Variants in C1orf94 observed in about 807,000 individuals in gnomAD.
C1orf94 encodes chromosome 1 open reading frame 94.
C1orf94 carries 45 observed loss-of-function variants against 53.6 expected under a neutral mutation model. That is an observed-to-expected ratio of 0.84 (90% confidence interval 0.66 to 1.08). The LOEUF (loss-of-function observed/expected upper bound fraction) is 1.08. Among genes scored for constraint, C1orf94 ranks in the 50% least tolerant of loss-of-function variants. The pLI is 0.00. For missense variants in C1orf94, 762 were observed against 738.9 expected, an observed-to-expected ratio of 1.03 and a Z score of -0.36; for synonymous variants, 304 against 296.1, an observed-to-expected ratio of 1.03 and a Z score of -0.27.
rs1643032665 is a variant in C1orf94 at position 34,218,738 on chromosome 1, A to G, written c.1774A>G (p.Ser592Gly). The G allele has an allele frequency of 6.8e-6, 11 of 1,612,602 alleles. No homozygotes were observed. The highest frequency in any genetic ancestry group is 1.7e-5 in the Admixed American group (1 of 59,990). Residue 592 changes from serine to glycine, a missense_variant, in exon 7 of 7, where the codon AGT (serine) becomes GGT (glycine). By Grantham distance (56) the Ser-to-Gly change is moderately conservative. Transcript: ENST00000488417. The stretch of plus-strand genomic sequence containing the variant: ...GATGCACAGCCCCTATTTTTCTTCC[A>G]GTGGGAATGGCATAAACTTTTAGAT... ...PLMHSPYFSS[S>G]GNGINF is the part of the protein sequence containing the mutation.
intron 5 of C1orf94, among the ~76,000 whole-genome samples, chr1:34,210,194 A>G (rs975157053): frequency 4.6e-5 from 7 of 152,264 alleles, no homozygotes; most frequent in Middle Eastern, 3.4e-3. Context: ...TCCCAGGTCC[A>G]GGCACTTCCT....
intron 2 of C1orf94, among the ~76,000 whole-genome samples, chr1:34,200,233 C>T (rs1035238972): frequency 1.3e-5 from 2 of 152,212 alleles, no homozygotes; most frequent in African/African-American, 4.8e-5. Context: ...ATGTGTGACT[C>T]CTTCACTAAG....
chr1:34,195,346 C>T (rs1292133137), intron 1 of C1orf94, among the ~76,000 whole-genome samples: 1 of 152,148 alleles, frequency 6.6e-6, no homozygotes, highest in Non-Finnish European at 1.5e-5. Flanking sequence ...ACCCATTTTA[C>T]AGGGGAGGAC....
intron 4 of C1orf94, among the ~76,000 whole-genome samples, chr1:34,203,266 T>C (rs1414195454): frequency 6.6e-6 from 1 of 152,156 alleles, no homozygotes; most frequent in Non-Finnish European, 1.5e-5. Flanking sequence ...GCCTCCCAAG[T>C]AGCTGGGATT....
intron 5 of C1orf94, among the ~76,000 whole-genome samples, chr1:34,211,645 T>C (rs1642891583): frequency 6.6e-6 from 1 of 152,174 alleles, no homozygotes; most frequent in African/African-American, 2.4e-5. Context: ...TTTCAAATGC[T>C]CAATTGTCGT....
At chr1:34,185,471 C>T (rs927243696) in intron 1 of C1orf94, among the ~76,000 whole-genome samples, 3 of 152,222 alleles carry the variant, frequency 2.0e-5, no homozygotes, top group Non-Finnish European at 4.4e-5. Context: ...TGAGCCCTTG[C>T]ACCCAGCCTT....
chr1:34,202,109 C>A lies in C1orf94; in HGVS notation c.1296C>A (p.Asp432Glu), dbSNP rs1642717742. ...LKFNAPVTVA[D>E]KNNPKYTGNV... is the part of the protein sequence containing the mutation. The stretch of plus-strand genomic sequence containing the variant: ...TTAACGCACCTGTGACGGTTGCTGA[C>A]AAGAACAACCCGAAGTACACAGGGA... The change falls in exon 4 of 7, where the codon GAC (aspartate) becomes GAA (glutamate). Residue 432 changes from aspartate (D) to glutamate (E), a missense_variant. Coordinates refer to ENST00000488417, the MANE Select transcript of C1orf94 (RefSeq NM_001134734.2). 1 of 1,613,926 alleles carries A rather than the reference C, an allele frequency of 6.2e-7. No homozygotes were observed. Among genetic ancestry groups the A allele is most frequent in the African/African-American group, 1.3e-5 (1 of 74,916 alleles).
chr1:34,217,712 C>T (rs754451603), intron 6 of C1orf94, among the ~76,000 whole-genome samples: 13 of 152,182 alleles, frequency 8.5e-5, no homozygotes, highest in Non-Finnish European at 1.5e-4. Flanking sequence ...AAATGAATGC[C>T]GTGGTCTATT....
At chr1:34,193,526 C>T (rs2148616197) in intron 1 of C1orf94, among the ~76,000 whole-genome samples, 1 of 152,270 alleles carries the variant, frequency 6.6e-6, no homozygotes, top group South Asian at 2.1e-4. Flanking sequence ...TCAGGGAGAC[C>T]TTGCTGGATA....
At position 34,202,256 on chromosome 1, in the gene C1orf94, T is replaced by C; in HGVS notation, c.1443T>C (p.Tyr481=). ...VFTNHSTFLQ[Y]QGLYPQQAAR... is the part of the protein sequence containing the mutation. ...CGAATCACTCTACCTTCTTGCAGTATCAGGTCAGTGAGCTGGCCTGGCTCT... is the reference window on the plus strand; with the variant it reads ...CGAATCACTCTACCTTCTTGCAGTACCAGGTCAGTGAGCTGGCCTGGCTCT... Residue 481 remains tyrosine, a synonymous_variant, in exon 4 of 7, where the codon TAT becomes TAC. Transcript: ENST00000488417. The C allele has an allele frequency of 6.2e-7, 1 of 1,614,012 alleles. No individual in the cohort carries two copies. The highest frequency in any genetic ancestry group is 2.2e-5 in the East Asian group (1 of 44,864).
intron 1 of C1orf94, among the ~76,000 whole-genome samples, chr1:34,195,104 G>C (rs1642557302): frequency 6.6e-6 from 1 of 152,134 alleles, no homozygotes; most frequent in East Asian, 1.9e-4. Context: ...TCAGGGAAAG[G>C]GGACAGAAGA....
chr1:34,212,658 G>T (rs1047455981), intron 6 of C1orf94, among the ~76,000 whole-genome samples: 6 of 152,120 alleles, frequency 3.9e-5, no homozygotes, highest in Admixed American at 2.0e-4. Context: ...CAACTGCACG[G>T]TCCATAACAT....
rs761271060 is a variant in C1orf94, at chr1:34,197,921, G to A, written c.1009+8G>A. On this transcript the variant is annotated splice_region_variant and intron_variant, in intron 2 of 6. Transcript: ENST00000488417. The surrounding 1 kb of genome is among the most constrained non-coding windows in gnomAD (Gnocchi z 4.1). ...AGAGGCACCACTTGATGGGTGAGTG[G>A]GGTTGGAACTGGGGTAGAGTGGGCC... 6 of 1,608,412 alleles carry A rather than the reference G, an allele frequency of 3.7e-6. No homozygotes were observed. Among genetic ancestry groups the A allele is most frequent in the Non-Finnish European group, 5.1e-6 (6 of 1,176,784 alleles).
chr1:34,204,059 G>T (rs558101864), intron 4 of C1orf94, among the ~76,000 whole-genome samples: 60 of 152,316 alleles, frequency 3.9e-4, no homozygotes, highest in Non-Finnish European at 7.1e-4. Context: ...TGCTGCCCCA[G>T]CCTGGCCCAG....
chr1:34,215,043 C>T lies in C1orf94; in HGVS notation c.1721+2637C>T, dbSNP rs550734394. 8.5e-5 allele frequency among the ~76,000 whole-genome samples: 13 copies of T among 152,244 alleles called. No homozygotes were observed. The South Asian group carries it at 2.7e-3, about 32-fold the overall frequency. ...AAAAGGTTTTCCTTCTCCTAAGGAG[C>T]TTTCATTCTAGAAGGAGAAATGGAC... is the stretch of plus-strand genomic sequence containing the variant. On this transcript the variant is annotated intron_variant, in intron 6 of 6. Coordinates refer to ENST00000488417, the MANE Select transcript of C1orf94 (RefSeq NM_001134734.2).
chr1:34,178,903 A>T (rs1642271926), intron 1 of C1orf94, among the ~76,000 whole-genome samples: 1 of 152,256 alleles, frequency 6.6e-6, no homozygotes, highest in Non-Finnish European at 1.5e-5. Flanking sequence ...TGTAAACTTA[A>T]TTAATGTTCC....
At chr1:34,206,248 C>A (rs1158631366) in intron 4 of C1orf94, among the ~76,000 whole-genome samples, 1 of 152,198 alleles carries the variant, frequency 6.6e-6, no homozygotes, top group Non-Finnish European at 1.5e-5. Context: ...GCTGTCCCTA[C>A]TGTATGGGCT....
intron 1 of C1orf94, among the ~76,000 whole-genome samples, chr1:34,167,791 A>C (rs1642072273): frequency 6.6e-6 from 1 of 152,172 alleles, no homozygotes; most frequent in Non-Finnish European, 1.5e-5. Flanking sequence ...GCATGTCAAG[A>C]CAGTGAGCTT....
rs61741807 is a variant in C1orf94, at chr1:34,212,214, T to C, written c.1529T>C (p.Met510Thr). Reference protein sequence around the residue: ...PQLGCYSQQVMPYNPQQMGQQ... With the variant: ...PQLGCYSQQVTPYNPQQMGQQ... ...TCTCTTCTCTGTGATGTGCAGGTGATGCCATACAACCCACAGCAGATGGGA... is the reference window on the plus strand; with the variant it reads ...TCTCTTCTCTGTGATGTGCAGGTGACGCCATACAACCCACAGCAGATGGGA... Residue 510 changes from methionine (M) to threonine (T), a missense_variant, in exon 6 of 7, where the codon ATG becomes ACG. Coordinates refer to ENST00000488417, the MANE Select transcript of C1orf94 (RefSeq NM_001134734.2). The C allele has an allele frequency of 0.019, 30,587 of 1,609,000 alleles. 3,538 individuals carry two copies. The African/African-American group carries it at 0.3, about 16-fold the overall frequency.
Sources: gnomAD v4.1 joint callset for allele counts (sites outside exome capture counted in the v4.1 genomes callset) on GRCh38, gnomAD v4.1.1 for gene constraint, Gnocchi (gnomAD v3.1) non-coding constraint, MANE v1.5 for transcripts, NCBI Gene and HGNC (gene_info 2026-07-23, HGNC 2026-07-21) for gene names.